The following PCDHGA2 variants were observed in gnomAD, a reference collection of about 807,000 sequenced individuals.
PCDHGA2 encodes the protein protocadherin gamma-A2.
In PCDHGA2, 40 loss-of-function variants were observed where a neutral mutation model predicts 59.2. The ratio of observed to expected loss-of-function variants is 0.68; its 90% CI spans 0.52 to 0.88. The LOEUF (loss-of-function observed/expected upper bound fraction) is 0.88, where lower values mean the gene tolerates loss of function less well. Among genes scored for constraint, PCDHGA2 ranks in the 40% least tolerant of loss-of-function variants. PCDHGA2 has a pLI of 0.00. For synonymous variants in PCDHGA2, 560 were observed against 526.0 expected (o/e 1.06, Z -0.89); for missense variants, 1,226 against 1,204.0 (o/e 1.02, Z -0.27).
At chr5:141,498,530 A>G (rs1275299749) in intron 2 of PCDHGA2, among the ~76,000 whole-genome samples, 1 of 149,364 alleles carries the variant, frequency 6.7e-6, no homozygotes, top group Non-Finnish European at 1.5e-5. Flanking sequence ...ACTGCCCTCC[A>G]GCCTGGTCTG....
Position 141,432,323 on chromosome 5 carries a change from T to C in PCDHGA2, c.2425-62484T>C, listed in dbSNP as rs1198710959. The C allele has an allele frequency of 3.4e-5, 55 of 1,614,214 alleles. No individual in the cohort carries two copies. Among genetic ancestry groups the C allele is most frequent in the Non-Finnish European group, 4.7e-5 (55 of 1,180,028 alleles). On this transcript the variant is annotated intron_variant, in intron 1 of 3. Transcript: ENST00000394576. This position sits in a 1 kb window ranked among gnomAD's most constrained non-coding sequence, Gnocchi z 6.0. ...ACTGTATGCGCTGAGCTCCTTCGAC[T>C]ACGAGCAGTTCCGAGACTTGCAAGT...
At chr5:141,405,251 C>T (rs1462013657) in intron 1 of PCDHGA2, 1 of 1,614,124 alleles carries the variant, frequency 6.2e-7, no homozygotes, top group Admixed American at 1.7e-5. Context: ...AAGGAAGAGT[C>T]ACCTGATCTT....
intron 1 of PCDHGA2, chr5:141,361,050 T>A (rs370096238): frequency 1.9e-6 from 3 of 1,613,586 alleles, no homozygotes; most frequent in Non-Finnish European, 1.7e-6. Context: ...CGACAAAGGA[T>A]GATTTGGATT....
rs755899945 is a variant in PCDHGA2, at chr5:141,361,809, T to A, written c.2424+20414T>A. Reference sequence around the variant, plus strand: ...TGTTAGTGGGCGACCTCAATGACAATGCGCCACGGGTGCTGTACCCCGCGC... The same window carrying A: ...TGTTAGTGGGCGACCTCAATGACAAAGCGCCACGGGTGCTGTACCCCGCGC... On this transcript the variant is annotated intron_variant, in intron 1 of 3. Coordinates refer to ENST00000394576, the MANE Select transcript of PCDHGA2 (RefSeq NM_018915.4). 10 of 1,612,970 alleles carry A rather than the reference T, an allele frequency of 6.2e-6. No homozygotes were observed. In the South Asian group the frequency reaches 9.9e-5, roughly 16 times the overall value.
chr5:141,400,454 T>C (rs779993462), intron 1 of PCDHGA2: 1 of 1,614,096 alleles, frequency 6.2e-7, no homozygotes, highest in Non-Finnish European at 8.5e-7. Flanking sequence ...CAAGACATAC[T>C]TTGTGGTGAT....
rs966009387 is a variant in PCDHGA2, at chr5:141,511,564, G to A, written c.*391G>A. The A allele has an allele frequency of 3.0e-5, 9 of 295,900 alleles. No individual in the cohort carries two copies. The highest frequency in any genetic ancestry group is 4.6e-5 in the Non-Finnish European group (7 of 151,798). The allele number at this position is 295,900 out of a possible 1,614,324, so 18.3% of individuals were successfully genotyped here. A position where few individuals can be genotyped will look rare whatever the true frequency, so the allele number is the denominator to read the frequency against. ...CCCACTCCAACAGTTCCTCTTTCCC[G>A]AGTAAGGTGGTTGGGGTGTTGAAGT... On this transcript the variant is annotated 3_prime_UTR_variant, in exon 4 of 4. Transcript: ENST00000394576.
At chr5:141,408,882 ACATAGAAATTTCTGTCAAG>A (rs745313321) in intron 1 of PCDHGA2, 50 of 1,613,286 alleles carry the variant, frequency 3.1e-5, no homozygotes, top group Non-Finnish European at 4.1e-5. Context: ...GCCACCGCTC[ACATAGAAATTTCTGTCAAG>A]GATACCAATG....
intron 1 of PCDHGA2, chr5:141,366,311 A>T (rs1561537361): frequency 1.9e-6 from 3 of 1,613,766 alleles, no homozygotes; most frequent in Non-Finnish European, 2.5e-6. Context: ...CTTCACGGTC[A>T]CCGTTGCCGT....
chr5:141,422,869 T>A, intron 1 of PCDHGA2: 2 of 1,614,202 alleles, frequency 1.2e-6, no homozygotes, highest in Non-Finnish European at 1.7e-6. Context: ...CAGCAACGTG[T>A]CGCTGAGCCT....
chr5:141,430,763 A>C, intron 1 of PCDHGA2: 1 of 1,506,248 alleles, frequency 6.6e-7, no homozygotes, highest in Non-Finnish European at 8.9e-7. Flanking sequence ...GATAAGAATG[A>C]TTCCTGCGCG....
chr5:141,351,700 C>T (rs753470957), intron 1 of PCDHGA2: 2 of 1,613,956 alleles, frequency 1.2e-6, no homozygotes, highest in East Asian at 4.5e-5. Flanking sequence ...TGGGACCCAA[C>T]GGCAGAGTCT....
Position 141,341,385 on chromosome 5 carries a change from C to T in PCDHGA2, c.2414C>T (p.Thr805Met), listed in dbSNP as rs1183510681. The T allele has an allele frequency of 1.2e-6, 2 of 1,614,062 alleles. No individual in the cohort carries two copies. Among genetic ancestry groups the T allele is most frequent in the African/African-American group, 1.3e-5 (1 of 74,916 alleles). Residue 805 changes from threonine (T) to methionine (M), a missense_variant, in exon 1 of 4, where the codon ACG becomes ATG. Thr to Met is a moderately conservative substitution (Grantham distance 81). Transcript: ENST00000394576. ...CTACTCGAAGAAGAAAGAGAAGAAA[C>T]GTTTTCTCAGGTAATCTATCTTTTC... ...QSLLEEEREE[T>M]FSQQAPPNTD... is the part of the protein sequence containing the mutation.
At chr5:141,408,600 T>C (rs761951478) in intron 1 of PCDHGA2, 7 of 1,613,998 alleles carry the variant, frequency 4.3e-6, no homozygotes, top group Non-Finnish European at 4.2e-6. Flanking sequence ...GCCCCTCAAT[T>C]TGATAAAAAG....
In PCDHGA2 at chr5:141,431,354, G is replaced by T. The variant is rs777198567; in HGVS notation, c.2425-63453G>T. The T allele has an allele frequency of 1.9e-6, 3 of 1,614,036 alleles. No individual in the cohort carries two copies. In the South Asian group the frequency reaches 3.3e-5, roughly 18 times the overall value. ...GTACCCCGAATTGGTGCTGAAACGC[G>T]CCCTGGACCGCGAAGAAAAGGCTGC... On this transcript the variant is annotated intron_variant, in intron 1 of 3. Coordinates refer to ENST00000394576, the MANE Select transcript of PCDHGA2 (RefSeq NM_018915.4). This position sits in a 1 kb window ranked among gnomAD's most constrained non-coding sequence, Gnocchi z 4.8.
chr5:141,393,520 A>G, intron 1 of PCDHGA2: 2 of 1,614,038 alleles, frequency 1.2e-6, no homozygotes, highest in Non-Finnish European at 1.7e-6. Context: ...TTGGATACAA[A>G]TGACAATGCC....
intron 2 of PCDHGA2, among the ~76,000 whole-genome samples, chr5:141,503,963 C>T (rs900066192): frequency 7.2e-5 from 11 of 152,188 alleles, no homozygotes; most frequent in Admixed American, 6.5e-4. Flanking sequence ...ACAGCCTTTC[C>T]CATGGTGCCA....
chr5:141,398,472 C>T (rs2093659150), intron 1 of PCDHGA2: 1 of 1,606,348 alleles, frequency 6.2e-7, no homozygotes, highest in Non-Finnish European at 8.5e-7. Context: ...ATCCACTGAA[C>T]TTTTATCACG....
chr5:141,455,494 T>C (rs1223531150), intron 1 of PCDHGA2, among the ~76,000 whole-genome samples: 2 of 152,214 alleles, frequency 1.3e-5, no homozygotes, highest in African/African-American at 4.8e-5. Context: ...AGGTGATGTC[T>C]GATTTGCATA....
At chr5:141,488,594 C>T (rs1398982317) in intron 1 of PCDHGA2, among the ~76,000 whole-genome samples, 3 of 152,164 alleles carry the variant, frequency 2.0e-5, no homozygotes, top group African/African-American at 7.2e-5. Context: ...CAGGGCAAGA[C>T]TTTACAAGGT....
Sources: gnomAD v4.1 joint callset for allele counts (sites outside exome capture counted in the v4.1 genomes callset) on GRCh38, gnomAD v4.1.1 for gene constraint, Gnocchi (gnomAD v3.1) non-coding constraint, MANE v1.5 for transcripts, NCBI Gene and HGNC (gene_info 2026-07-23, HGNC 2026-07-21) for gene names.